The following TLN2 variants were observed in gnomAD, a reference collection of about 807,000 sequenced individuals.
TLN2 encodes the protein talin 2.
Under a neutral mutation model 294.7 loss-of-function variants are expected in TLN2, and 118 were observed. The observed-to-expected ratio is 0.40, with a 90% confidence interval of 0.34 to 0.47. TLN2 has a LOEUF of 0.47. Ranked by LOEUF, TLN2 falls within the 20% of genes least tolerant of loss-of-function variation. The pLI, the probability that TLN2 is intolerant of heterozygous loss-of-function variation, is 0.84. For synonymous variants in TLN2, 1,431 were observed against 1,304.5 expected (o/e 1.10, Z -2.09); for missense variants, 3,083 against 3,282.2 (o/e 0.94, Z 1.48).
intron 19 of TLN2, among the ~76,000 whole-genome samples, chr15:62,704,642 G>A (rs1344583793): frequency 6.6e-6 from 1 of 152,208 alleles, no homozygotes; most frequent in Non-Finnish European, 1.5e-5. Flanking sequence ...TCATGATAGA[G>A]GTTGAATTCA....
At chr15:62,722,249 G>A (rs771970592) in intron 25 of TLN2, 104 bp from the exon 26 acceptor site, 232 of 1,308,090 alleles carry the variant, frequency 1.8e-4, no homozygotes, top group Non-Finnish European at 2.2e-4. Flanking sequence ...TTTTTTTTAG[G>A]ACAAAATCAG....
chr15:62,619,661 T>C (rs758157958), intron 3 of TLN2, among the ~76,000 whole-genome samples: 2 of 152,138 alleles, frequency 1.3e-5, no homozygotes, highest in African/African-American at 2.4e-5. Flanking sequence ...ACTGGCGTCC[T>C]TGTAGGAAGA....
At chr15:62,631,588 T>C (rs1037225752) in intron 3 of TLN2, among the ~76,000 whole-genome samples, 1 of 147,488 alleles carries the variant, frequency 6.8e-6, no homozygotes, top group African/African-American at 2.5e-5. Context: ...TTCTCTCTCT[T>C]CTTTCACTCT....
At chr15:62,727,301 A>C (rs1054593841) in intron 28 of TLN2, 112 bp downstream of exon 28, 4 of 918,920 alleles carry the variant, frequency 4.4e-6, no homozygotes, top group Non-Finnish European at 4.9e-6. Context: ...TTCTCCCAGC[A>C]GTTCACCGTA....
At chr15:62,837,410 A>G (rs2069830188) in intron 57 of TLN2, among the ~76,000 whole-genome samples, 1 of 152,162 alleles carries the variant, frequency 6.6e-6, no homozygotes, top group Admixed American at 6.5e-5. Context: ...AAATCACTCA[A>G]AACTTTTCAG....
chr15:62,396,550 G>A (rs1411915753), intron 1 of TLN2, among the ~76,000 whole-genome samples: 2 of 152,280 alleles, frequency 1.3e-5, no homozygotes, highest in East Asian at 3.9e-4. Context: ...TACCTTCAGT[G>A]TAAAGGATAG....
At chr15:62,470,805 G>C (rs975978042) in intron 1 of TLN2, among the ~76,000 whole-genome samples, 10 of 152,218 alleles carry the variant, frequency 6.6e-5, no homozygotes, top group African/African-American at 1.9e-4. Flanking sequence ...GACAATAGTA[G>C]TTGTACTTTC....
intron 1 of TLN2, among the ~76,000 whole-genome samples, chr15:62,398,400 C>T (rs2032738529): frequency 6.6e-6 from 1 of 152,084 alleles, no homozygotes; most frequent in Non-Finnish European, 1.5e-5. Context: ...ATAAATTACC[C>T]AGTCTTGGGT....
At chr15:62,571,259 A>G (rs1049588168) in intron 1 of TLN2, among the ~76,000 whole-genome samples, 2 of 152,114 alleles carry the variant, frequency 1.3e-5, no homozygotes, top group African/African-American at 4.8e-5. Flanking sequence ...ACAGGAGTCT[A>G]TTGCCCATCA....
intron 1 of TLN2, among the ~76,000 whole-genome samples, chr15:62,468,043 C>G (rs1397111929): frequency 2.6e-5 from 4 of 152,112 alleles, no homozygotes; most frequent in African/African-American, 4.8e-5. Context: ...TTTTAATAAT[C>G]CAGACCCTTA....
chr15:62,668,239 A>G (rs1282019539), intron 9 of TLN2, among the ~76,000 whole-genome samples: 4 of 152,240 alleles, frequency 2.6e-5, no homozygotes, highest in Non-Finnish European at 5.9e-5. Context: ...AAATTTTACC[A>G]CACACATAGA....
At chr15:62,643,405 A>ATTTTTTTTTTTTTTTTTT (rs571288380) in intron 3 of TLN2, among the ~76,000 whole-genome samples, 12 of 90,740 alleles carry the variant, frequency 1.3e-4, no homozygotes, top group East Asian at 3.2e-4. Flanking sequence ...TGGTTCCAGG[A>ATTTTTTTTTTTTTTTTTT]TTTTTTTTTT....
intron 1 of TLN2, among the ~76,000 whole-genome samples, chr15:62,576,927 G>A (rs1295470620): frequency 6.6e-6 from 1 of 152,000 alleles, no homozygotes; most frequent in African/African-American, 2.4e-5. Flanking sequence ...CCTGGTTTTA[G>A]CCCCAGGGAG....
At chr15:62,555,442 A>G (rs1324279055) in intron 1 of TLN2, among the ~76,000 whole-genome samples, 1 of 152,232 alleles carries the variant, frequency 6.6e-6, no homozygotes, top group African/African-American at 2.4e-5. Flanking sequence ...GTAATAGATT[A>G]GATTGTGTCC....
At chr15:62,802,332 G>A (rs561627416) in intron 50 of TLN2, among the ~76,000 whole-genome samples, 12 of 151,384 alleles carry the variant, frequency 7.9e-5, no homozygotes, top group African/African-American at 2.7e-4. Context: ...ACTCCATTGT[G>A]TATGTGTACC....
In TLN2 at chr15:62,698,884, G is replaced by A. The variant is rs375952826; in HGVS notation, c.1587+17G>A. 5.6e-6 allele frequency: 9 copies of A among 1,606,094 alleles called. No individual in the cohort carries two copies. The Admixed American group carries it at 1.3e-4, about 24-fold the overall frequency. ...CAGGATATGGTAAATACTGTTCAGT[G>A]GTTTTCATGCCAAGTCTCTGCCCTG... On this transcript the variant is annotated intron_variant, in intron 16 of 58. Transcript: ENST00000636159.
At chr15:62,584,742 G>T (rs1435802263) in intron 1 of TLN2, among the ~76,000 whole-genome samples, 1 of 152,178 alleles carries the variant, frequency 6.6e-6, no homozygotes, top group Non-Finnish European at 1.5e-5. Flanking sequence ...ATTGTTCCTC[G>T]GCTTCTCCCA....
intron 3 of TLN2, among the ~76,000 whole-genome samples, chr15:62,632,787 G>A (rs1271076690): frequency 6.6e-6 from 1 of 151,998 alleles, no homozygotes; most frequent in Admixed American, 6.5e-5. Context: ...TCTGCATTTC[G>A]AGGTGGTTGT....
At chr15:62,479,392 G>A (rs1440281370) in intron 1 of TLN2, among the ~76,000 whole-genome samples, 1 of 152,204 alleles carries the variant, frequency 6.6e-6, no homozygotes. Context: ...TTCAAGGACT[G>A]TCTGAAGTGT....
Sources: allele counts gnomAD v4.1 joint callset (sites outside exome capture counted in the v4.1 genomes callset), GRCh38; gene constraint gnomAD v4.1.1; transcripts MANE v1.5; gene names NCBI Gene and HGNC (gene_info 2026-07-23, HGNC 2026-07-21).